The following KCNH8 variants were observed in gnomAD, a reference collection of about 807,000 sequenced individuals.
KCNH8 encodes the protein potassium voltage-gated channel subfamily H member 8.
A neutral mutation model predicts 103.6 loss-of-function variants in KCNH8; 70 were observed. The ratio of observed to expected loss-of-function variants is 0.68; its 90% CI spans 0.56 to 0.82. KCNH8 has a LOEUF of 0.82. KCNH8 is among the 40% of genes least tolerant of loss of function. KCNH8 has a pLI of 0.00. For missense variants in KCNH8, 1,217 were observed against 1,329.9 expected, an observed-to-expected ratio of 0.92 and a Z score of 1.32; for synonymous variants, 498 against 489.4, an observed-to-expected ratio of 1.02 and a Z score of -0.23.
chr3:19,154,340 G>A (rs1256987909), intron 1 of KCNH8, among the ~76,000 whole-genome samples: 1 of 152,128 alleles, frequency 6.6e-6, no homozygotes, highest in Non-Finnish European at 1.5e-5. Context: ...AGAAGTAAGA[G>A]GGCAATGGAA....
At chr3:19,309,862 G>T (rs2065187069) in intron 3 of KCNH8, among the ~76,000 whole-genome samples, 1 of 151,918 alleles carries the variant, frequency 6.6e-6, no homozygotes, top group African/African-American at 2.4e-5. Flanking sequence ...AAATAGAGAT[G>T]CAACAGGACA....
chr3:19,335,483 G>GTATATA (rs3067331), intron 3 of KCNH8, among the ~76,000 whole-genome samples: 93 of 141,374 alleles, frequency 6.6e-4, no homozygotes, highest in Admixed American at 1.3e-3. Context: ...ATATGTGTGT[G>GTATATA]TATATATATA....
intron 5 of KCNH8, among the ~76,000 whole-genome samples, chr3:19,369,991 A>G (rs762356378): frequency 5.9e-5 from 9 of 152,174 alleles, no homozygotes; most frequent in South Asian, 2.1e-4. Context: ...AATAAAGTGT[A>G]TGCCTGATCA....
intron 3 of KCNH8, among the ~76,000 whole-genome samples, chr3:19,321,596 A>G (rs2065350979): frequency 6.6e-6 from 1 of 151,884 alleles, no homozygotes; most frequent in Admixed American, 6.6e-5. Context: ...CTTGTGACCT[A>G]TCATATGGTC....
At chr3:19,336,569 A>C (rs2065588342) in intron 3 of KCNH8, among the ~76,000 whole-genome samples, 1 of 151,908 alleles carries the variant, frequency 6.6e-6, no homozygotes, top group Non-Finnish European at 1.5e-5. Context: ...ATAACATGTA[A>C]ATCAATGTAT....
intron 1 of KCNH8, among the ~76,000 whole-genome samples, chr3:19,202,072 A>G (rs2063668543): frequency 6.6e-6 from 1 of 152,106 alleles, no homozygotes; most frequent in African/African-American, 2.4e-5. Flanking sequence ...TATTTGCAGC[A>G]CCAAATTCGT....
chr3:19,245,105 C>A (rs1185550295), intron 1 of KCNH8, among the ~76,000 whole-genome samples: 1 of 152,152 alleles, frequency 6.6e-6, no homozygotes, highest in Non-Finnish European at 1.5e-5. Context: ...ACATTTAAAT[C>A]TTGAATCCAA....
Position 19,534,106 on chromosome 3 carries a change from T to G in KCNH8, c.*7T>G, listed in dbSNP as rs781634049. ...CAAAGCCATAAATGTATGATATTAG[T>G]GCCCATGATGCAGCAGCTAATTTCA... On this transcript the variant is annotated 3_prime_UTR_variant, in exon 16 of 16. Transcript: ENST00000328405. 2 of 1,591,482 alleles carry G rather than the reference T, an allele frequency of 1.3e-6. No individual in the cohort carries two copies. The highest frequency in any genetic ancestry group is 2.2e-5 in the South Asian group (2 of 89,934).
At chr3:19,310,908 A>T (rs778656146) in intron 3 of KCNH8, among the ~76,000 whole-genome samples, 10 of 151,876 alleles carry the variant, frequency 6.6e-5, no homozygotes, top group Non-Finnish European at 1.3e-4. Context: ...GTATTTTTGA[A>T]AAAAGGATAG....
intron 11 of KCNH8, among the ~76,000 whole-genome samples, chr3:19,480,588 T>A (rs965132288): frequency 1.3e-5 from 2 of 152,332 alleles, no homozygotes; most frequent in African/African-American, 4.8e-5. Context: ...CTTATAGAAA[T>A]GTCTTCATTC....
chr3:19,154,830 A>T (rs2063165543), intron 1 of KCNH8, among the ~76,000 whole-genome samples: 1 of 152,230 alleles, frequency 6.6e-6, no homozygotes, highest in Non-Finnish European at 1.5e-5. Flanking sequence ...AGAAATCCCA[A>T]CAGTAAAAGG....
intron 5 of KCNH8, among the ~76,000 whole-genome samples, chr3:19,371,075 T>G (rs2066085504): frequency 1.3e-5 from 2 of 152,022 alleles, no homozygotes; most frequent in Admixed American, 6.6e-5. Flanking sequence ...AACATACGTG[T>G]GCATGTGTCT....
intron 3 of KCNH8, among the ~76,000 whole-genome samples, chr3:19,321,113 A>G (rs557801580): frequency 8.2e-4 from 124 of 151,212 alleles, no homozygotes; most frequent in African/African-American, 2.6e-3. Flanking sequence ...TATGCGTTTT[A>G]TTTATCTTTT....
chr3:19,457,608 G>A (rs944656015), intron 11 of KCNH8, among the ~76,000 whole-genome samples: 2 of 151,996 alleles, frequency 1.3e-5, no homozygotes, highest in East Asian at 3.9e-4. Context: ...GACTTCATTA[G>A]ATGTCTCAGA....
intron 1 of KCNH8, among the ~76,000 whole-genome samples, chr3:19,185,484 G>A (rs2063493059): frequency 6.6e-6 from 1 of 151,830 alleles, no homozygotes; most frequent in African/African-American, 2.4e-5. Context: ...ATGATTTACT[G>A]AGTTATGAGA....
At chr3:19,199,643 T>C (rs1386874995) in intron 1 of KCNH8, among the ~76,000 whole-genome samples, 4 of 150,874 alleles carry the variant, frequency 2.7e-5, no homozygotes, top group Non-Finnish European at 4.4e-5. Context: ...ATGTACAAAA[T>C]GATATATGTT....
intron 3 of KCNH8, among the ~76,000 whole-genome samples, chr3:19,291,322 T>G (rs947238053): frequency 1.9e-4 from 29 of 152,326 alleles, no homozygotes; most frequent in Non-Finnish European, 3.7e-4. Flanking sequence ...TCTAGTTCTT[T>G]TAATTGTGAT....
intron 7 of KCNH8, among the ~76,000 whole-genome samples, chr3:19,434,850 A>T (rs2067174463): frequency 1.3e-5 from 2 of 152,052 alleles, no homozygotes; most frequent in East Asian, 3.9e-4. Flanking sequence ...TGCTTTTGGG[A>T]CACATTTTCC....
intron 7 of KCNH8, among the ~76,000 whole-genome samples, chr3:19,399,301 C>T (rs1047646596): frequency 1.4e-4 from 21 of 151,826 alleles, no homozygotes; most frequent in African/African-American, 4.6e-4. Flanking sequence ...TACAAGAGGA[C>T]GTCAATAAAT....
Sources: allele counts gnomAD v4.1 joint callset (sites outside exome capture counted in the v4.1 genomes callset), GRCh38; gene constraint gnomAD v4.1.1; transcripts MANE v1.5; gene names NCBI Gene and HGNC (gene_info 2026-07-23, HGNC 2026-07-21).